Variants in BTC observed in about 807,000 individuals in gnomAD.
BTC encodes betacellulin.
A neutral mutation model predicts 18.1 loss-of-function variants in BTC; 13 were observed. The ratio of observed to expected loss-of-function variants is 0.72; its 90% confidence interval spans 0.47 to 1.14. BTC has a LOEUF of 1.14. Among genes scored for constraint, BTC ranks in the 50% most tolerant of loss-of-function variants. The probability of loss-of-function intolerance (pLI) is 0.00; values close to 1 mark genes in which losing one functional copy is unlikely to be tolerated. For synonymous variants in BTC, 83 were observed against 79.4 expected (o/e 1.05, Z -0.24); for missense variants, 247 against 224.2 (o/e 1.10, Z -0.65).
chr4:74,788,489 G>T (rs1009864304), intron 1 of BTC, among the ~76,000 whole-genome samples: 1 of 152,092 alleles, frequency 6.6e-6, no homozygotes, highest in Non-Finnish European at 1.5e-5. Context: ...GTTTCATTTG[G>T]AATGAACATT....
intron 1 of BTC, among the ~76,000 whole-genome samples, chr4:74,791,577 C>T (rs933795392): frequency 6.6e-6 from 1 of 152,096 alleles, no homozygotes; most frequent in African/African-American, 2.4e-5. Context: ...ACCATATAAT[C>T]TGCTTATGGT....
At position 74,755,957 on chromosome 4, in the gene BTC, C is replaced by A. The variant is rs782691067; in HGVS notation, c.183G>T (p.Lys61Asn). 16 of 1,614,072 alleles carry A rather than the reference C, an allele frequency of 9.9e-6. No homozygotes were observed. The East Asian group carries it at 3.6e-4, about 36-fold the overall frequency. Reference protein sequence around the residue: ...ENCAATTTQSKRKGHFSRCPK... With the variant: ...ENCAATTTQSNRKGHFSRCPK... ...GGCACCTAGAGAAGTGGCCTTTCCGCTTTGATTGTGTGGTGGTAGCTGGAA... is the reference window on the plus strand; with the variant it reads ...GGCACCTAGAGAAGTGGCCTTTCCGATTTGATTGTGTGGTGGTAGCTGGAA... The change falls in exon 3 of 6, where the codon AAG (lysine) becomes AAT (asparagine). Residue 61 changes from lysine (K) to asparagine (N), a missense_variant. Coordinates refer to ENST00000395743, the MANE Select transcript of BTC (RefSeq NM_001729.4).
intron 5 of BTC, 143 bp downstream of exon 5, chr4:74,747,897 A>G (rs975752426): frequency 6.2e-6 from 3 of 483,276 alleles, no homozygotes; most frequent in East Asian, 3.5e-5. Context: ...TTCAGATTCT[A>G]TGAAAAAAAC....
intron 1 of BTC, among the ~76,000 whole-genome samples, chr4:74,777,429 A>C (rs1309209589): frequency 6.6e-6 from 1 of 152,236 alleles, no homozygotes; most frequent in Non-Finnish European, 1.5e-5. Flanking sequence ...TCTCAGCCTC[A>C]TAAGTGGATA....
At chr4:74,749,190 G>A (rs1363378104) in intron 4 of BTC, among the ~76,000 whole-genome samples, 1 of 152,084 alleles carries the variant, frequency 6.6e-6, no homozygotes, top group Non-Finnish European at 1.5e-5. Context: ...AGCACTTTGG[G>A]ATGCCGAGGT....
At chr4:74,761,485 C>T (rs1486965313) in intron 2 of BTC, among the ~76,000 whole-genome samples, 1 of 152,164 alleles carries the variant, frequency 6.6e-6, no homozygotes, top group Non-Finnish European at 1.5e-5. Flanking sequence ...ATCCCTCACT[C>T]CCAACTGTCC....
chr4:74,789,086 C>A (rs1725555423), intron 1 of BTC, among the ~76,000 whole-genome samples: 1 of 152,238 alleles, frequency 6.6e-6, no homozygotes, highest in Non-Finnish European at 1.5e-5. Context: ...ACTATCCCCA[C>A]TGACATTCAT....
intron 1 of BTC, among the ~76,000 whole-genome samples, chr4:74,780,262 G>A (rs992808750): frequency 2.0e-5 from 3 of 152,176 alleles, no homozygotes; most frequent in African/African-American, 7.2e-5. Context: ...CATCCTGAAA[G>A]ACAGATTCCC....
chr4:74,791,411 C>A (rs1725623323), intron 1 of BTC, among the ~76,000 whole-genome samples: 1 of 152,104 alleles, frequency 6.6e-6, no homozygotes, highest in Non-Finnish European at 1.5e-5. Flanking sequence ...TTTGGAAAAT[C>A]TCATTTTTTG....
chr4:74,745,226 G>C lies in BTC; in HGVS notation c.*1451C>G, dbSNP rs1195140905. On this transcript the variant is annotated 3_prime_UTR_variant, in exon 6 of 6. Transcript: ENST00000395743. ...TGAAAATTATCAGTTGTTTGGCTTA[G>C]CTTTTACTAATAGGGGAGCTATTTA... 1 of 152,202 alleles carries C rather than the reference G, an allele frequency of 6.6e-6. No homozygotes were observed. Among genetic ancestry groups the C allele is most frequent in the Admixed American group, 6.5e-5 (1 of 15,280 alleles). 9.4% of individuals were successfully genotyped at this position (152,202 alleles called of 1,614,324 possible).
chr4:74,774,389 T>C (rs1725123472), intron 1 of BTC, among the ~76,000 whole-genome samples: 1 of 152,154 alleles, frequency 6.6e-6, no homozygotes, highest in African/African-American at 2.4e-5. Flanking sequence ...AAGGAAATTA[T>C]TGCAGTAAAC....
intron 2 of BTC, among the ~76,000 whole-genome samples, chr4:74,765,377 C>A (rs1724873834): frequency 6.6e-6 from 1 of 151,910 alleles, no homozygotes; most frequent in African/African-American, 2.4e-5. Flanking sequence ...CAGACTATGT[C>A]AAGCGAAAGA....
rs551238127 is a variant in BTC, at chr4:74,753,085, T to C, written c.282-2366A>G. 2.8e-3 allele frequency among the ~76,000 whole-genome samples: 429 copies of C among 152,320 alleles called. 1 individual carries two copies. The highest frequency in any genetic ancestry group is 4.3e-3 in the Non-Finnish European group (293 of 68,016). On this transcript the variant is annotated intron_variant, in intron 3 of 5. Transcript: ENST00000395743. ...TTATTTTCAGTGAGTGTATCTCTCATGTAGGAGAAGAAGAGGCAAAGAGAG... is the reference window on the plus strand; with the variant it reads ...TTATTTTCAGTGAGTGTATCTCTCACGTAGGAGAAGAAGAGGCAAAGAGAG...
chr4:74,781,089 A>C (rs552582835), intron 1 of BTC, among the ~76,000 whole-genome samples: 3 of 152,040 alleles, frequency 2.0e-5, no homozygotes, highest in Non-Finnish European at 4.4e-5. Context: ...CAGCTTAGGA[A>C]TCACCTTTAC....
At chr4:74,782,969 G>T (rs1725372886) in intron 1 of BTC, among the ~76,000 whole-genome samples, 1 of 151,982 alleles carries the variant, frequency 6.6e-6, no homozygotes, top group African/African-American at 2.4e-5. Flanking sequence ...TTGTAAATTT[G>T]CTTAAGTTCC....
intron 1 of BTC, among the ~76,000 whole-genome samples, chr4:74,786,962 A>G (rs965207732): frequency 3.4e-5 from 5 of 147,202 alleles, no homozygotes; most frequent in Admixed American, 3.3e-4. Flanking sequence ...CCAACAAGAA[A>G]TACAATTTTT....
chr4:74,785,108 T>C (rs1049599426), intron 1 of BTC, among the ~76,000 whole-genome samples: 6 of 152,168 alleles, frequency 3.9e-5, no homozygotes, highest in African/African-American at 7.2e-5. Context: ...TCAGAACTCA[T>C]TATTGGTCTG....
chr4:74,756,074 T>G, intron 2 of BTC, 98 bp from the exon 3 acceptor site: 2 of 1,111,144 alleles, frequency 1.8e-6, no homozygotes, highest in Non-Finnish European at 2.7e-6. Flanking sequence ...CTCTGTAGAA[T>G]ATGTTTGAAT....
chr4:74,748,177 A>G, intron 4 of BTC, 28 bp from the exon 5 acceptor site: 1 of 1,368,616 alleles, frequency 7.3e-7, no homozygotes, highest in South Asian at 1.2e-5. Flanking sequence ...AGAAGTTAGT[A>G]TGGGCCTAGT....
Sources: gnomAD v4.1 joint callset for allele counts (sites outside exome capture counted in the v4.1 genomes callset) on GRCh38, gnomAD v4.1.1 for gene constraint, MANE v1.5 for transcripts, NCBI Gene and HGNC (gene_info 2026-07-23, HGNC 2026-07-21) for gene names.